The following CAMTA1 variants were observed in gnomAD, a reference collection of about 807,000 sequenced individuals.
CAMTA1 encodes calmodulin-binding transcription activator 1.
CAMTA1 carries 27 observed loss-of-function variants against 170.9 expected under a neutral mutation model. The ratio of observed to expected loss-of-function variants is 0.16; its 90% CI spans 0.12 to 0.22. CAMTA1 has a LOEUF of 0.22. Among genes scored for constraint, CAMTA1 ranks in the 10% least tolerant of loss-of-function variants. The pLI is 1.00. For missense variants in CAMTA1, 1,619 were observed against 2,217.2 expected (o/e 0.73, Z 5.42); for synonymous variants, 833 against 891.5 (o/e 0.93, Z 1.17).
At chr1:7,110,204 C>G (rs2148365436) in intron 4 of CAMTA1, among the ~76,000 whole-genome samples, 1 of 152,274 alleles carries the variant, frequency 6.6e-6, no homozygotes, top group South Asian at 2.1e-4. Flanking sequence ...ATCCTGTTAA[C>G]AAGAAGCACA....
chr1:7,066,806 C>G (rs1218970026), intron 3 of CAMTA1, among the ~76,000 whole-genome samples: 1 of 152,174 alleles, frequency 6.6e-6, no homozygotes, highest in East Asian at 1.9e-4. Context: ...TAGGTAAAGC[C>G]AAGGGAAGGA....
In CAMTA1 at chr1:7,736,787, C is replaced by G; in HGVS notation, c.3264-144C>G. ...TGGACCCCTAGCCAAATGGAGCGTCCACACTGCCCTGGGACTCTGTTTCTT... is the reference window on the plus strand; with the variant it reads ...TGGACCCCTAGCCAAATGGAGCGTCGACACTGCCCTGGGACTCTGTTTCTT... On this transcript the variant is annotated intron_variant, in intron 13 of 22. Transcript: ENST00000303635. This position sits in a 1 kb window ranked among gnomAD's most constrained non-coding sequence, Gnocchi z 4.5. 1.4e-6 allele frequency: 1 copy of G among 731,134 alleles called. No homozygotes were observed. Among genetic ancestry groups the G allele is most frequent in the Non-Finnish European group, 2.3e-6 (1 of 431,476 alleles). 45.3% of individuals were successfully genotyped at this position (731,134 alleles called of 1,614,324 possible).
At chr1:7,015,576 G>T (rs191863361) in intron 3 of CAMTA1, among the ~76,000 whole-genome samples, 3 of 152,234 alleles carry the variant, frequency 2.0e-5, no homozygotes, top group Admixed American at 1.3e-4. Flanking sequence ...GGGCTGTGCC[G>T]TTCCATGACT....
chr1:6,838,127 G>A (rs558385053), intron 3 of CAMTA1, among the ~76,000 whole-genome samples: 23 of 152,200 alleles, frequency 1.5e-4, no homozygotes, highest in African/African-American at 5.1e-4. Flanking sequence ...AAAGACTTCT[G>A]TCAACAAATA....
intron 5 of CAMTA1, chr1:7,382,840 ATAGATAGATAG>A (rs2087491698): frequency 1.0e-5 from 1 of 99,100 alleles, no homozygotes; most frequent in African/African-American, 3.5e-5. Flanking sequence ...TGATAGATAG[ATAGATAGATAG>A]ATAGATAGAT....
At chr1:6,823,159 A>T (rs1014352356) in intron 2 of CAMTA1, among the ~76,000 whole-genome samples, 2 of 152,140 alleles carry the variant, frequency 1.3e-5, no homozygotes, top group African/African-American at 4.8e-5. Flanking sequence ...GGGGGATTTT[A>T]AAAAATGGAA....
rs752632950 is a variant in CAMTA1 at position 7,738,361 on chromosome 1, G to A, written c.4061G>A (p.Arg1354His). ...VGKEAAPSQV[R>H]PREPMSVLMM... ...AAGGAGGCAGCACCTTCACAGGTGC[G>A]TCCACGGGAACCAATGAGTGTCCTG... The change falls in exon 16 of 23, where the codon CGT (arginine) becomes CAT (histidine). Residue 1354 changes from arginine to histidine, a missense_variant. Transcript: ENST00000303635. The surrounding 1 kb of genome is among the most constrained non-coding windows in gnomAD (Gnocchi z 4.9). 9.3e-6 allele frequency: 15 copies of A among 1,614,070 alleles called. 1 individual carries two copies. Among genetic ancestry groups the A allele is most frequent in the African/African-American group, 2.7e-5 (2 of 74,932 alleles).
chr1:7,290,577 C>CG (rs1033697965), intron 5 of CAMTA1, among the ~76,000 whole-genome samples: 4 of 152,158 alleles, frequency 2.6e-5, no homozygotes, highest in African/African-American at 9.7e-5. Flanking sequence ...GCAACCACCC[C>CG]CCCCATGCAC....
chr1:7,047,315 G>C (rs1437751135), intron 3 of CAMTA1, among the ~76,000 whole-genome samples: 3 of 152,170 alleles, frequency 2.0e-5, no homozygotes, highest in African/African-American at 7.2e-5. Context: ...CCTTCGGTGA[G>C]AAGGAGGGTA....
At position 7,168,800 on chromosome 1, in the gene CAMTA1, T is replaced by A. The variant is rs371136951; in HGVS notation, c.302+77429T>A. Among the ~76,000 whole-genome samples, 8 of 152,356 alleles carry A rather than the reference T, an allele frequency of 5.3e-5. No homozygotes were observed. In the South Asian group the frequency reaches 1.7e-3, roughly 32 times the overall value. The stretch of plus-strand genomic sequence containing the variant: ...ACAAGAATAGAACTAGAAGTCCTAG[T>A]ACAACTTCTAGTTGAGTAGAAATAT... On this transcript the variant is annotated intron_variant, in intron 4 of 22. Transcript: ENST00000303635.
At chr1:7,549,108 G>A (rs2094760331) in intron 6 of CAMTA1, among the ~76,000 whole-genome samples, 2 of 145,056 alleles carry the variant, frequency 1.4e-5, no homozygotes, top group Non-Finnish European at 3.1e-5. Flanking sequence ...GCCCTTGCAG[G>A]GTCCCTCTTA....
chr1:6,964,893 C>A (rs1691240626), intron 3 of CAMTA1, among the ~76,000 whole-genome samples: 1 of 152,218 alleles, frequency 6.6e-6, no homozygotes, highest in Admixed American at 6.5e-5. Context: ...AGGGGACTGT[C>A]TTCCACCGTG....
At chr1:7,045,374 T>G (rs1315446924) in intron 3 of CAMTA1, among the ~76,000 whole-genome samples, 1 of 152,152 alleles carries the variant, frequency 6.6e-6, no homozygotes, top group African/African-American at 2.4e-5. Context: ...GTTGGAAGCA[T>G]CTTTCCTGTT....
At chr1:7,548,621 AT>A (rs2094741801) in intron 6 of CAMTA1, among the ~76,000 whole-genome samples, 1 of 101,000 alleles carries the variant, frequency 9.9e-6, no homozygotes, top group Non-Finnish European at 2.0e-5. Flanking sequence ...CATGGAAGGT[AT>A]CCCCTTAGGG....
chr1:7,454,215 G>T (rs970928145), intron 5 of CAMTA1, among the ~76,000 whole-genome samples: 1 of 152,292 alleles, frequency 6.6e-6, no homozygotes, highest in South Asian at 2.1e-4. Context: ...TGGCAGAGGC[G>T]ACCTCGCCTC....
intron 3 of CAMTA1, among the ~76,000 whole-genome samples, chr1:6,842,179 A>G (rs1656038955): frequency 6.6e-6 from 1 of 152,224 alleles, no homozygotes; most frequent in Non-Finnish European, 1.5e-5. Context: ...TTCACTCCAC[A>G]ACATGCTCAC....
At chr1:6,987,479 A>G (rs535734999) in intron 3 of CAMTA1, among the ~76,000 whole-genome samples, 41 of 152,134 alleles carry the variant, frequency 2.7e-4, no homozygotes, top group Admixed American at 7.9e-4. Context: ...ACTCTTTTAA[A>G]TGGTCTGGGT....
chr1:7,526,715 C>A lies in CAMTA1; in HGVS notation c.510+58814C>A, dbSNP rs531369780. The stretch of plus-strand genomic sequence containing the variant: ...CACTCACTTGGAGAACACCAGCCTG[C>A]GTTCTAGCAGTGAGCCTTCTGGATA... On this transcript the variant is annotated intron_variant, in intron 6 of 22. Transcript: ENST00000303635. Among the ~76,000 whole-genome samples the A allele has an allele frequency of 2.0e-5, 3 of 152,288 alleles. No homozygotes were observed. The East Asian group carries it at 5.8e-4, about 29-fold the overall frequency.
chr1:7,383,674 G>A (rs1293004016), intron 5 of CAMTA1, among the ~76,000 whole-genome samples: 1 of 152,138 alleles, frequency 6.6e-6, no homozygotes, highest in Admixed American at 6.5e-5. Flanking sequence ...GGTCATGGTG[G>A]TGGTGCTGCT....
Sources: gnomAD v4.1 joint callset for allele counts (sites outside exome capture counted in the v4.1 genomes callset) on GRCh38, gnomAD v4.1.1 for gene constraint, Gnocchi (gnomAD v3.1) non-coding constraint, MANE v1.5 for transcripts, NCBI Gene and HGNC (gene_info 2026-07-23, HGNC 2026-07-21) for gene names.